The following FCRL4 variants were observed in gnomAD, a reference collection of about 807,000 sequenced individuals.
The protein encoded by FCRL4 is Fc receptor-like protein 4.
In FCRL4, 43 loss-of-function variants were observed where a neutral mutation model predicts 64.1. The observed-to-expected ratio is 0.67, with a 90% confidence interval of 0.53 to 0.87. FCRL4 has a LOEUF of 0.87. FCRL4 is among the 40% of genes least tolerant of loss of function. The pLI is 0.00. For synonymous variants in FCRL4, 253 were observed against 239.8 expected (o/e 1.05, Z -0.51); for missense variants, 656 against 613.5 (o/e 1.07, Z -0.73).
chr1:157,588,496 C>T (rs891760686), intron 3 of FCRL4, among the ~76,000 whole-genome samples: 2 of 152,230 alleles, frequency 1.3e-5, no homozygotes, highest in Non-Finnish European at 2.9e-5. Flanking sequence ...ACATGAGGAT[C>T]TCTTCCTGGA....
chr1:157,586,395 C>G lies in FCRL4; in HGVS notation c.908G>C (p.Gly303Ala), dbSNP rs564742756. 6.2e-7 allele frequency: 1 copy of G among 1,613,040 alleles called. No homozygotes were observed. The highest frequency in any genetic ancestry group is 2.2e-5 in the East Asian group (1 of 44,870). The change falls in exon 6 of 12, where the codon GGG becomes GCG. Residue 303 changes from glycine (G) to alanine (A), a missense_variant. Transcript: ENST00000271532. ...TQPSGGQAVE[G>A]EMLVLVCSVA... is the part of the protein sequence containing the mutation. ...GGAGCAGACAAGGACCAGCATCTCC[C>G]CTTCAACAGCCTGGCCCCCTGAGGG... is the stretch of plus-strand genomic sequence containing the variant.
intron 6 of FCRL4, among the ~76,000 whole-genome samples, chr1:157,584,434 G>A (rs1167596267): frequency 6.6e-6 from 1 of 151,982 alleles, no homozygotes; most frequent in Non-Finnish European, 1.5e-5. Context: ...TATTTGAGAG[G>A]CTGAGGTGGG....
intron 1 of FCRL4, 72 bp from the exon 2 acceptor site, chr1:157,596,420 C>T (rs988180277): frequency 1.1e-5 from 17 of 1,531,332 alleles, no homozygotes; most frequent in East Asian, 2.3e-5. Flanking sequence ...AGAGCCCATA[C>T]ACTCATATGC....
At chr1:157,594,511 C>A (rs1458583570) in intron 2 of FCRL4, among the ~76,000 whole-genome samples, 1 of 152,158 alleles carries the variant, frequency 6.6e-6, no homozygotes, top group Non-Finnish European at 1.5e-5. Context: ...GGTAATGTAA[C>A]TTCTGTGAAG....
At chr1:157,580,542 A>G (rs889540798) in intron 7 of FCRL4, 194 bp from the exon 8 acceptor site, 4 of 591,448 alleles carry the variant, frequency 6.8e-6, no homozygotes, top group Admixed American at 3.1e-5. Flanking sequence ...AGGACTGCAC[A>G]CTCCTGAGTT....
intron 2 of FCRL4, among the ~76,000 whole-genome samples, chr1:157,593,131 A>T (rs1052117052): frequency 6.6e-6 from 1 of 152,186 alleles, no homozygotes; most frequent in African/African-American, 2.4e-5. Flanking sequence ...GAAATACCTA[A>T]TGTAAATGAC....
chr1:157,586,728 A>G (rs920212540), intron 5 of FCRL4, among the ~76,000 whole-genome samples: 4 of 152,142 alleles, frequency 2.6e-5, no homozygotes, highest in African/African-American at 7.2e-5. Context: ...TGGAGGTCTG[A>G]GTTGTTTTGA....
intron 10 of FCRL4, among the ~76,000 whole-genome samples, chr1:157,577,599 C>G (rs1470659592): frequency 6.6e-6 from 1 of 152,178 alleles, no homozygotes; most frequent in Non-Finnish European, 1.5e-5. Context: ...TGGCTTGAGG[C>G]CTTGCTGACT....
At chr1:157,582,394 G>A (rs1461340347) in intron 6 of FCRL4, among the ~76,000 whole-genome samples, 2 of 152,196 alleles carry the variant, frequency 1.3e-5, no homozygotes, top group Non-Finnish European at 2.9e-5. Flanking sequence ...AACCCAGGGA[G>A]GGGAGACAAG....
intron 2 of FCRL4, among the ~76,000 whole-genome samples, chr1:157,595,864 AT>A (rs1156455270): frequency 6.6e-6 from 1 of 152,250 alleles, no homozygotes; most frequent in Non-Finnish European, 1.5e-5. Context: ...CAGAGTCATC[AT>A]AATTTGAGCT....
chr1:157,592,772 A>G (rs1652865875), intron 2 of FCRL4, among the ~76,000 whole-genome samples: 1 of 152,232 alleles, frequency 6.6e-6, no homozygotes, highest in African/African-American at 2.4e-5. Context: ...TGCTACTATA[A>G]AGACACATGT....
Position 157,575,002 on chromosome 1 carries a change from A to C in FCRL4, c.*522T>G, listed in dbSNP as rs1302695219. ...CTTTAATCTGCAACTGAATCCTGAC[A>C]GTGTAAGCTGTGCAGGCAGAAGTGA... On this transcript the variant is annotated 3_prime_UTR_variant, in exon 12 of 12. Coordinates refer to ENST00000271532, the MANE Select transcript of FCRL4 (RefSeq NM_031282.3). 1.3e-5 allele frequency: 3 copies of C among 223,480 alleles called. No individual in the cohort carries two copies. The highest frequency in any genetic ancestry group is 2.7e-5 in the Non-Finnish European group (3 of 112,046). 13.8% of individuals were successfully genotyped at this position (223,480 alleles called of 1,614,324 possible).
intron 2 of FCRL4, among the ~76,000 whole-genome samples, chr1:157,593,300 T>G (rs1652879483): frequency 6.6e-6 from 1 of 152,154 alleles, no homozygotes; most frequent in African/African-American, 2.4e-5. Flanking sequence ...ACCACCTTTT[T>G]GAATACAAAC....
rs977504774 is a variant in FCRL4, at chr1:157,574,530, A to G, written c.*994T>C. On this transcript the variant is annotated 3_prime_UTR_variant, in exon 12 of 12. Transcript: ENST00000271532. The stretch of plus-strand genomic sequence containing the variant: ...AAATTTGTGGCTTCCTATTTCTTTT[A>G]TTCCTTCTTCATTTATTGCAAGAAT... 2 of 202,920 alleles carry G rather than the reference A, an allele frequency of 9.9e-6. No homozygotes were observed. The highest frequency in any genetic ancestry group is 2.0e-5 in the Non-Finnish European group (2 of 98,870). The allele number at this position is 202,920 out of a possible 1,614,324, so 12.6% of individuals were successfully genotyped here. A position where few individuals can be genotyped will look rare whatever the true frequency, so the allele number is the denominator to read the frequency against.
chr1:157,573,968 T>C lies in FCRL4; in HGVS notation c.*1556A>G, dbSNP rs1234781202. The C allele has an allele frequency of 5.0e-6, 1 of 200,130 alleles. No individual in the cohort carries two copies. The highest frequency in any genetic ancestry group is 2.3e-5 in the African/African-American group (1 of 43,496). The allele number at this position is 200,130 out of a possible 1,614,324, so 12.4% of individuals were successfully genotyped here. On this transcript the variant is annotated 3_prime_UTR_variant, in exon 12 of 12. Coordinates refer to ENST00000271532, the MANE Select transcript of FCRL4 (RefSeq NM_031282.3). ...AACAAGACCCACACATTCCTTTTGGTCGACATGTCTCGTCTCATTTAATTT... is the reference window on the plus strand; with the variant it reads ...AACAAGACCCACACATTCCTTTTGGCCGACATGTCTCGTCTCATTTAATTT...
intron 1 of FCRL4, among the ~76,000 whole-genome samples, chr1:157,597,417 GA>G (rs1190541768): frequency 2.6e-5 from 4 of 152,166 alleles, no homozygotes; most frequent in African/African-American, 9.7e-5. Flanking sequence ...AAAGCAGGAA[GA>G]AAAAAATCAA....
At chr1:157,583,806 G>T (rs1383574915) in intron 6 of FCRL4, among the ~76,000 whole-genome samples, 2 of 152,124 alleles carry the variant, frequency 1.3e-5, no homozygotes, top group Admixed American at 1.3e-4. Flanking sequence ...TTCTCTCTTT[G>T]CTATATATTC....
chr1:157,581,774 T>C (rs546424789), intron 6 of FCRL4, 130 bp from the exon 7 acceptor site: 2 of 679,746 alleles, frequency 2.9e-6, no homozygotes, highest in East Asian at 5.5e-5. Context: ...CATAAAGACA[T>C]CTTGGGCCAG....
intron 6 of FCRL4, among the ~76,000 whole-genome samples, chr1:157,583,584 A>T (rs11810445): frequency 0.034 from 5,113 of 152,296 alleles, 114 homozygotes; most frequent in South Asian, 0.054. Context: ...ATGTAAGGAC[A>T]CAGCAAGCAG....
Sources: gnomAD v4.1 joint callset for allele counts (sites outside exome capture counted in the v4.1 genomes callset) on GRCh38, gnomAD v4.1.1 for gene constraint, MANE v1.5 for transcripts, NCBI Gene and HGNC (gene_info 2026-07-23, HGNC 2026-07-21) for gene names.